Variants in FAF1 observed in about 807,000 individuals in gnomAD.
The protein encoded by FAF1 is Fas associated factor 1.
A neutral mutation model predicts 92.5 loss-of-function variants in FAF1; 25 were observed. That is an observed-to-expected ratio of 0.27 (90% confidence interval 0.20 to 0.38). The LOEUF (loss-of-function observed/expected upper bound fraction) is 0.38. Ranked by LOEUF, FAF1 falls within the 10% of genes least tolerant of loss-of-function variation. The pLI, the probability that FAF1 is intolerant of heterozygous loss-of-function variation, is 1.00. For missense variants in FAF1, 636 were observed against 793.3 expected, an observed-to-expected ratio of 0.80 and a Z score of 2.38; for synonymous variants, 234 against 273.2, an observed-to-expected ratio of 0.86 and a Z score of 1.42.
intron 8 of FAF1, among the ~76,000 whole-genome samples, chr1:50,636,124 T>A (rs1296530699): frequency 6.6e-6 from 1 of 152,192 alleles, no homozygotes; most frequent in Non-Finnish European, 1.5e-5. Context: ...CAGATCAACA[T>A]ACTCATCCTA....
At chr1:50,865,580 T>C (rs1429345271) in intron 1 of FAF1, among the ~76,000 whole-genome samples, 1 of 136,522 alleles carries the variant, frequency 7.3e-6, no homozygotes, top group South Asian at 2.6e-4. Context: ...CAGTAAACTA[T>C]TGCAAGAACA....
Position 50,801,661 on chromosome 1 carries a change from A to T in FAF1, c.131T>A (p.Val44Glu). 1 of 1,596,558 alleles carries T rather than the reference A, an allele frequency of 6.3e-7. No individual in the cohort carries two copies. Among genetic ancestry groups the T allele is most frequent in the Non-Finnish European group, 8.6e-7 (1 of 1,164,486 alleles). ...NWDLVAAING[V>E]IPQENGILQS... Reference sequence around the variant, plus strand: ...TAGAATGCCATTTTCCTGTGGTATTACACCATTGATAGCTGCCTGCAAACA... The same window carrying T: ...TAGAATGCCATTTTCCTGTGGTATTTCACCATTGATAGCTGCCTGCAAACA... The change falls in exon 3 of 19, where the codon GTA (valine) becomes GAA (glutamate). Residue 44 changes from valine to glutamate, a missense_variant. Physicochemically the swap from Val to Glu is moderately radical, Grantham distance 121 (BLOSUM62 -2). Around this residue, in one of 2 missense-constraint regions of FAF1, gnomAD observed 317 missense variants for 342.4 expected, o/e 0.93. Coordinates refer to ENST00000396153, the MANE Select transcript of FAF1 (RefSeq NM_007051.3).
At chr1:50,952,717 G>A (rs1293762747) in intron 1 of FAF1, among the ~76,000 whole-genome samples, 4 of 151,620 alleles carry the variant, frequency 2.6e-5, no homozygotes, top group African/African-American at 4.9e-5. Flanking sequence ...CCTCTGCCCC[G>A]CCACCCCGTC....
intron 2 of FAF1, among the ~76,000 whole-genome samples, chr1:50,807,422 GGCA>G (rs1163290218): frequency 1.3e-5 from 2 of 152,192 alleles, no homozygotes; most frequent in Non-Finnish European, 2.9e-5. Context: ...ATCTTCACAT[GGCA>G]GCAGGAGAGA....
intron 1 of FAF1, among the ~76,000 whole-genome samples, chr1:50,921,111 A>C (rs187961793): frequency 7.9e-5 from 12 of 152,326 alleles, no homozygotes; most frequent in Non-Finnish European, 1.5e-4. Context: ...TGTGTCCCCC[A>C]AAAAATCAAA....
intron 7 of FAF1, among the ~76,000 whole-genome samples, chr1:50,694,275 C>T (rs1484278986): frequency 6.6e-6 from 1 of 151,780 alleles, no homozygotes; most frequent in Non-Finnish European, 1.5e-5. Context: ...GGAATTATTT[C>T]ACATTTTCAT....
At chr1:50,457,032 T>A (rs1432651804) in intron 18 of FAF1, among the ~76,000 whole-genome samples, 1 of 152,126 alleles carries the variant, frequency 6.6e-6, no homozygotes, top group Non-Finnish European at 1.5e-5. Flanking sequence ...TTTCTGCATC[T>A]CAGTTTTTTC....
At chr1:50,472,364 A>AACACAC (rs1169240003) in intron 18 of FAF1, among the ~76,000 whole-genome samples, 3 of 90,184 alleles carry the variant, frequency 3.3e-5, no homozygotes, top group Admixed American at 1.5e-4. Context: ...AATTGGGGAA[A>AACACAC]ACATACACAC....
chr1:50,839,388 A>T (rs1030991372), intron 2 of FAF1, among the ~76,000 whole-genome samples: 5 of 152,182 alleles, frequency 3.3e-5, no homozygotes, highest in African/African-American at 4.8e-5. Context: ...GTCTGGTATT[A>T]ATAGACTTTA....
chr1:50,925,013 T>C (rs891106980), intron 1 of FAF1, among the ~76,000 whole-genome samples: 33 of 152,064 alleles, frequency 2.2e-4, no homozygotes, highest in African/African-American at 6.3e-4. Context: ...AACAGATACA[T>C]AGACCAACAG....
At chr1:50,718,030 T>C (rs1192011443) in intron 6 of FAF1, among the ~76,000 whole-genome samples, 2 of 147,736 alleles carry the variant, frequency 1.4e-5, no homozygotes, top group African/African-American at 5.2e-5. Flanking sequence ...TTTATTTATT[T>C]ATTTATTGAG....
At chr1:50,565,428 T>C (rs139695792) in intron 13 of FAF1, among the ~76,000 whole-genome samples, 1 of 152,208 alleles carries the variant, frequency 6.6e-6, no homozygotes, top group East Asian at 1.9e-4. Flanking sequence ...TCTAAAGCCT[T>C]AAACAACACC....
chr1:50,530,592 G>C (rs938761152), intron 15 of FAF1, among the ~76,000 whole-genome samples: 1 of 152,100 alleles, frequency 6.6e-6, no homozygotes. Context: ...GATGACTACA[G>C]TCAATGATAA....
At chr1:50,931,921 T>C (rs1645051384) in intron 1 of FAF1, among the ~76,000 whole-genome samples, 1 of 139,748 alleles carries the variant, frequency 7.2e-6, no homozygotes, top group African/African-American at 2.6e-5. Context: ...ATAATAATAA[T>C]AATAATAGCA....
At chr1:50,787,574 G>A (rs1300061817) in intron 4 of FAF1, among the ~76,000 whole-genome samples, 1 of 152,122 alleles carries the variant, frequency 6.6e-6, no homozygotes, top group African/African-American at 2.4e-5. Flanking sequence ...TTAGCCTCCA[G>A]AAATGTGAGA....
Position 50,441,178 on chromosome 1 carries a change from A to G in FAF1, c.*262T>C, listed in dbSNP as rs1326726328. On this transcript the variant is annotated 3_prime_UTR_variant, in exon 19 of 19. Coordinates refer to ENST00000396153, the MANE Select transcript of FAF1 (RefSeq NM_007051.3). The stretch of plus-strand genomic sequence containing the variant: ...CTCACACTTGAACAATGCATTCGTC[A>G]TTGAAGGAGGGTGAAGTGCAGGGGG... 3.7e-5 allele frequency: 14 copies of G among 377,776 alleles called. No individual in the cohort carries two copies. The Admixed American group carries it at 4.7e-4, about 13-fold the overall frequency. 23.4% of individuals were successfully genotyped at this position (377,776 alleles called of 1,614,324 possible). A position where few individuals can be genotyped will look rare whatever the true frequency, so the allele number is the denominator to read the frequency against.
intron 15 of FAF1, among the ~76,000 whole-genome samples, chr1:50,523,616 T>G (rs1388734929): frequency 2.0e-5 from 3 of 152,240 alleles, no homozygotes; most frequent in African/African-American, 7.2e-5. Context: ...ATTGTTTAAT[T>G]TTCTGTTGTC....
At chr1:50,546,082 C>G (rs913166359) in intron 13 of FAF1, among the ~76,000 whole-genome samples, 2 of 152,150 alleles carry the variant, frequency 1.3e-5, no homozygotes, top group Non-Finnish European at 2.9e-5. Context: ...AGAAGGATCG[C>G]TTGAGGCCAG....
At chr1:50,562,429 T>C (rs1210436090) in intron 13 of FAF1, among the ~76,000 whole-genome samples, 2 of 152,202 alleles carry the variant, frequency 1.3e-5, no homozygotes, top group African/African-American at 4.8e-5. Flanking sequence ...TGACCCTTTG[T>C]TCCCCATACG....
Sources: gnomAD v4.1 joint callset for allele counts (sites outside exome capture counted in the v4.1 genomes callset) on GRCh38, gnomAD v4.1.1 for gene constraint, gnomAD v4.1.1 regional missense constraint, MANE v1.5 for transcripts, NCBI Gene and HGNC (gene_info 2026-07-23, HGNC 2026-07-21) for gene names.